COL5A1: variants seen among roughly 807,000 people sequenced by gnomAD.
COL5A1 encodes the protein collagen type V alpha 1 chain.
In COL5A1, 16 loss-of-function variants were observed where a neutral mutation model predicts 263.7. The observed-to-expected ratio is 0.06, with a 90% CI of 0.04 to 0.09. The LOEUF (loss-of-function observed/expected upper bound fraction) is 0.09, where lower values mean the gene tolerates loss of function less well. COL5A1 is among the 10% of genes least tolerant of loss of function. The probability of loss-of-function intolerance (pLI) is 1.00; values close to 1 mark genes in which losing one functional copy is unlikely to be tolerated. For missense variants in COL5A1, 2,036 were observed against 2,540.5 expected (o/e 0.80, Z 4.27); for synonymous variants, 1,012 against 1,004.5 (o/e 1.01, Z -0.14).
rs140105243 is a variant in COL5A1 at position 134,730,245 on chromosome 9, C to G, written c.934C>G (p.Pro312Ala). ...ETTEVPEELTPTPTEAAPMPE... is the reference protein window; with the variant it reads ...ETTEVPEELTATPTEAAPMPE... ...TGTCCTTGGCTCCCAGGAGCTGACC[C>G]CGACCCCCACGGAAGCTGCTCCCAT... Residue 312 changes from proline (P) to alanine (A), a missense_variant, in exon 7 of 66, where the codon CCG becomes GCG. Around this residue, in one of 3 missense-constraint regions of COL5A1, gnomAD observed 600 missense variants for 634.5 expected, o/e 0.95. Transcript: ENST00000371817. 17 of 1,613,666 alleles carry G rather than the reference C, an allele frequency of 1.1e-5. No individual in the cohort carries two copies. In the African/African-American group the frequency reaches 2.1e-4, roughly 20 times the overall value.
chr9:134,642,171 G>A lies in COL5A1; in HGVS notation c.-17G>A, dbSNP rs1554772552. On this transcript the variant is annotated 5_prime_UTR_variant, in exon 1 of 66. Coordinates refer to ENST00000371817, the MANE Select transcript of COL5A1 (RefSeq NM_000093.5). The surrounding 1 kb of genome is among the most constrained non-coding windows in gnomAD (Gnocchi z 4.5). Reference sequence around the variant, plus strand: ...CCTCCGAGCGCCCCTGTGCGCCCCGGCCCGCGCCCCGCCGGCATGGACGTC... The same window carrying A: ...CCTCCGAGCGCCCCTGTGCGCCCCGACCCGCGCCCCGCCGGCATGGACGTC... 2.4e-6 allele frequency: 3 copies of A among 1,250,906 alleles called. No individual in the cohort carries two copies. Among genetic ancestry groups the A allele is most frequent in the Non-Finnish European group, 3.0e-6 (3 of 1,002,788 alleles). 77.5% of individuals were successfully genotyped at this position (1,250,906 alleles called of 1,614,324 possible). A position where few individuals can be genotyped will look rare whatever the true frequency, so the allele number is the denominator to read the frequency against.
rs1362637277 is a variant in COL5A1, at chr9:134,728,717, C to G, written c.834C>G (p.Pro278=). 2 of 1,614,194 alleles carry G rather than the reference C, an allele frequency of 1.2e-6. No individual in the cohort carries two copies. The highest frequency in any genetic ancestry group is 8.5e-7 in the Non-Finnish European group (1 of 1,180,030). The change falls in exon 6 of 66, where the codon CCC becomes CCG. Residue 278 remains proline (P), a synonymous_variant. Transcript: ENST00000371817. ...GTGAGACCTATTACTACGAATACCC[C>G]TACTACGAAGACCCCGAAGACCTAG... ...GEGETYYYEY[P]YYEDPEDLGK... is the part of the protein sequence containing the mutation.
chr9:134,825,215 A>G (rs1839214652), intron 62 of COL5A1, among the ~76,000 whole-genome samples: 1 of 152,202 alleles, frequency 6.6e-6, no homozygotes, highest in Non-Finnish European at 1.5e-5. Context: ...AGTGCCTGAG[A>G]GGCTGGCACA....
chr9:134,752,169 C>T (rs948219353), intron 13 of COL5A1, among the ~76,000 whole-genome samples: 3 of 152,178 alleles, frequency 2.0e-5, no homozygotes, highest in African/African-American at 7.2e-5. Flanking sequence ...AAGCGCCTCC[C>T]ATGTGAAATA....
chr9:134,676,211 G>A (rs777480922), intron 1 of COL5A1, among the ~76,000 whole-genome samples: 5 of 152,068 alleles, frequency 3.3e-5, no homozygotes, highest in African/African-American at 7.2e-5. Context: ...CTCTCTGATC[G>A]GTATTGTTCT....
At chr9:134,717,010 GA>G (rs35951256) in intron 4 of COL5A1, among the ~76,000 whole-genome samples, 25,509 of 152,158 alleles carry the variant, frequency 0.17, 2,404 homozygotes, top group East Asian at 0.4. Flanking sequence ...GAAAACCATG[GA>G]AAAAATTATT....
intron 29 of COL5A1, among the ~76,000 whole-genome samples, chr9:134,784,064 G>T (rs145701060): frequency 7.2e-4 from 109 of 152,198 alleles, no homozygotes; most frequent in African/African-American, 2.4e-3. Flanking sequence ...CTGAGCCCAG[G>T]GAACAGGACC....
rs1286249997 is a variant in COL5A1 at position 134,690,884 on chromosome 9, T to G, written c.110-28T>G. 4.3e-6 allele frequency: 7 copies of G among 1,613,090 alleles called. No individual in the cohort carries two copies. The African/African-American group carries it at 9.3e-5, about 22-fold the overall frequency. Reference sequence around the variant, plus strand: ...CAGGTGCTCCTTTCCTCTCCGTGGCTAACTCTGCTCCTCCTCTGTCATTTC... The same window carrying G: ...CAGGTGCTCCTTTCCTCTCCGTGGCGAACTCTGCTCCTCCTCTGTCATTTC... On this transcript the variant is annotated intron_variant, in intron 1 of 65. Coordinates refer to ENST00000371817, the MANE Select transcript of COL5A1 (RefSeq NM_000093.5).
At chr9:134,667,578 G>C (rs1171546898) in intron 1 of COL5A1, among the ~76,000 whole-genome samples, 1 of 152,206 alleles carries the variant, frequency 6.6e-6, no homozygotes, top group Non-Finnish European at 1.5e-5. Flanking sequence ...CCTCACCTTG[G>C]TGTCCAGCAG....
intron 18 of COL5A1, among the ~76,000 whole-genome samples, chr9:134,760,047 C>T (rs575335096): frequency 7.3e-6 from 1 of 137,912 alleles, no homozygotes; most frequent in South Asian, 2.5e-4. Context: ...CGCACATACA[C>T]ACCCACACAC....
intron 7 of COL5A1, among the ~76,000 whole-genome samples, 178 bp downstream of exon 7, chr9:134,730,653 C>T (rs1834847715): frequency 6.6e-6 from 1 of 152,254 alleles, no homozygotes. Flanking sequence ...TAATACTTCC[C>T]AGGGGAGGCC....
intron 4 of COL5A1, among the ~76,000 whole-genome samples, chr9:134,715,765 G>T (rs537776028): frequency 6.6e-6 from 1 of 152,218 alleles, no homozygotes; most frequent in African/African-American, 2.4e-5. Context: ...AGGGTTAGAG[G>T]TAAGGTTACA....
chr9:134,805,321 A>G, intron 41 of COL5A1, 107 bp downstream of exon 41: 3 of 1,300,494 alleles, frequency 2.3e-6, no homozygotes, highest in Non-Finnish European at 3.3e-6. Flanking sequence ...ACCCCCGAGG[A>G]GCCTGGGGAG....
rs1385361083 is a variant in COL5A1, at chr9:134,844,540, T to A, written c.*2237T>A. Reference sequence around the variant, plus strand: ...ATTGCAATAAAATTACTTCTTATATTTGCAGAAATTCTTTTGGTGTAATTT... The same window carrying A: ...ATTGCAATAAAATTACTTCTTATATATGCAGAAATTCTTTTGGTGTAATTT... On this transcript the variant is annotated 3_prime_UTR_variant, in exon 66 of 66. Coordinates refer to ENST00000371817, the MANE Select transcript of COL5A1 (RefSeq NM_000093.5). 6.6e-6 allele frequency: 1 copy of A among 152,280 alleles called. No homozygotes were observed. Among genetic ancestry groups the A allele is most frequent in the Non-Finnish European group, 1.5e-5 (1 of 68,044 alleles). 9.4% of individuals were successfully genotyped at this position (152,280 alleles called of 1,614,324 possible). A position where few individuals can be genotyped will look rare whatever the true frequency, so the allele number is the denominator to read the frequency against.
intron 42 of COL5A1, among the ~76,000 whole-genome samples, chr9:134,807,572 C>T (rs1366256782): frequency 2.0e-5 from 3 of 152,216 alleles, no homozygotes; most frequent in South Asian, 2.1e-4. Context: ...GGATTACAGG[C>T]GTGAGCCACT....
At chr9:134,756,606 A>T (rs549926738) in intron 16 of COL5A1, among the ~76,000 whole-genome samples, 159 bp from the exon 17 acceptor site, 22 of 152,136 alleles carry the variant, frequency 1.4e-4, no homozygotes, top group Admixed American at 1.4e-3. Context: ...GGGCTCCTGG[A>T]TCTGGGTCCT....
intron 9 of COL5A1, among the ~76,000 whole-genome samples, chr9:134,733,392 G>A (rs780806339): frequency 3.9e-5 from 6 of 152,228 alleles, no homozygotes; most frequent in South Asian, 2.1e-4. Context: ...CTATGGAAGC[G>A]TCTGGATGGC....
intron 11 of COL5A1, among the ~76,000 whole-genome samples, chr9:134,744,944 T>G (rs79288098): frequency 1.1e-4 from 17 of 152,342 alleles, no homozygotes; most frequent in African/African-American, 4.1e-4. Flanking sequence ...CACATCTACA[T>G]GCACGCGTGC....
chr9:134,798,002 A>G (rs1049690428), intron 36 of COL5A1, among the ~76,000 whole-genome samples: 1 of 152,206 alleles, frequency 6.6e-6, no homozygotes, highest in Non-Finnish European at 1.5e-5. Flanking sequence ...ATGGACAACC[A>G]TCTAGCAGTG....
Sources: allele counts gnomAD v4.1 joint callset (sites outside exome capture counted in the v4.1 genomes callset), GRCh38; gene constraint gnomAD v4.1.1; regional missense constraint gnomAD v4.1.1; non-coding constraint Gnocchi (gnomAD v3.1); transcripts MANE v1.5; gene names NCBI Gene and HGNC (gene_info 2026-07-23, HGNC 2026-07-21).